The following CAPN2 variants were observed in gnomAD, a reference collection of about 807,000 sequenced individuals.
CAPN2 encodes calpain 2, also known as calpain-2 catalytic subunit.
CAPN2 carries 92 observed loss-of-function variants against 102.3 expected under a neutral mutation model. The ratio of observed to expected loss-of-function variants is 0.90; its 90% CI spans 0.76 to 1.07. The LOEUF is 1.07. Among genes scored for constraint, CAPN2 ranks in the 50% least tolerant of loss-of-function variants. CAPN2 has a pLI of 0.00. For missense variants in CAPN2, 800 were observed against 909.4 expected, an observed-to-expected ratio of 0.88 and a Z score of 1.55; for synonymous variants, 340 against 355.4, an observed-to-expected ratio of 0.96 and a Z score of 0.49.
rs1334785980 is a variant in CAPN2, at chr1:223,756,268, C to T, written c.1305+619C>T. Reference sequence around the variant, plus strand: ...TGGGGCACTGAGAACTCACCCAACACGCTGGGCCCCTGGGCTCTCCCCACT... The same window carrying T: ...TGGGGCACTGAGAACTCACCCAACATGCTGGGCCCCTGGGCTCTCCCCACT... On this transcript the variant is annotated intron_variant, in intron 10 of 20. Transcript: ENST00000295006. The surrounding 1 kb of genome is among the most constrained non-coding windows in gnomAD (Gnocchi z 4.1). Among the ~76,000 whole-genome samples, 4 of 152,214 alleles carry T rather than the reference C, an allele frequency of 2.6e-5. No homozygotes were observed. Among genetic ancestry groups the T allele is most frequent in the Non-Finnish European group, 4.4e-5 (3 of 68,046 alleles).
intron 9 of CAPN2, among the ~76,000 whole-genome samples, chr1:223,753,635 A>AT (rs28370085): frequency 0.062 from 9,445 of 152,286 alleles, 681 homozygotes; most frequent in African/African-American, 0.16. Context: ...TAATCTGAAA[A>AT]TGTGAAATCT....
rs973017578 is a variant in CAPN2 at position 223,719,623 on chromosome 1, G to T, written c.307+1792G>T. On this transcript the variant is annotated intron_variant, in intron 2 of 20. Transcript: ENST00000295006. Reference sequence around the variant, plus strand: ...GTTTAACAACACCTTAAGTGCCAAAGTGTAAGCAACAAATACATGATTTAA... The same window carrying T: ...GTTTAACAACACCTTAAGTGCCAAATTGTAAGCAACAAATACATGATTTAA... 3.3e-5 allele frequency among the ~76,000 whole-genome samples: 5 copies of T among 152,196 alleles called. No homozygotes were observed. In the South Asian group the frequency reaches 8.3e-4, roughly 25 times the overall value.
intron 14 of CAPN2, 83 bp downstream of exon 14, chr1:223,762,334 T>G (rs1307968455): frequency 1.8e-6 from 2 of 1,113,088 alleles, no homozygotes; most frequent in Admixed American, 1.8e-5. Context: ...GACTTTAGTT[T>G]AAAGGGGAGA....
intron 2 of CAPN2, among the ~76,000 whole-genome samples, chr1:223,737,305 A>G (rs1415394188): frequency 1.3e-5 from 2 of 152,164 alleles, no homozygotes; most frequent in East Asian, 1.9e-4. Flanking sequence ...CAGCCTGGAT[A>G]TAGGGATGGC....
rs754217593 is a variant in CAPN2, at chr1:223,759,404, C to T, written c.1452C>T (p.Leu484=). The change falls in exon 12 of 21, where the codon CTC becomes CTT. Residue 484 remains leucine (L), a synonymous_variant. Transcript: ENST00000295006. This position sits in a 1 kb window ranked among gnomAD's most constrained non-coding sequence, Gnocchi z 4.6. ...RFKLPPGEYI[L]VPSTFEPNKD... The stretch of plus-strand genomic sequence containing the variant: ...AGCTGCCGCCAGGAGAGTACATTCT[C>T]GTGCCTTCCACCTTCGAACCCAACA... 10 of 1,614,186 alleles carry T rather than the reference C, an allele frequency of 6.2e-6. No homozygotes were observed. Among genetic ancestry groups the T allele is most frequent in the Admixed American group, 5.0e-5 (3 of 60,014 alleles).
intron 2 of CAPN2, among the ~76,000 whole-genome samples, chr1:223,724,063 T>A (rs1660128782): frequency 6.6e-6 from 1 of 151,994 alleles, no homozygotes; most frequent in African/African-American, 2.4e-5. Context: ...ATCTTGTCTC[T>A]GAGATTAGAA....
At chr1:223,770,689 T>G (rs1162719866) in intron 18 of CAPN2, 164 bp downstream of exon 18, 1 of 525,948 alleles carries the variant, frequency 1.9e-6, no homozygotes, top group Non-Finnish European at 3.4e-6. Flanking sequence ...AAAGACTAAT[T>G]GGTAAAATTA....
Position 223,747,283 on chromosome 1 carries a change from G to A in CAPN2, c.729+118G>A, listed in dbSNP as rs186985115. The A allele has an allele frequency of 1.8e-3, 1,839 of 1,007,868 alleles. 4 individuals carry two copies. The highest frequency in any genetic ancestry group is 2.4e-3 in the Non-Finnish European group (1,728 of 721,740). 62.4% of individuals were successfully genotyped at this position (1,007,868 alleles called of 1,614,324 possible). A position where few individuals can be genotyped will look rare whatever the true frequency, so the allele number is the denominator to read the frequency against. On this transcript the variant is annotated intron_variant, in intron 5 of 20. Transcript: ENST00000295006. ...ACAACGTAATGCAGCCCTCGTCCAC[G>A]TAGGGGCCAAAGGAAAACCTCCCTC... is the stretch of plus-strand genomic sequence containing the variant.
intron 14 of CAPN2, among the ~76,000 whole-genome samples, chr1:223,762,817 A>AGT (rs1571816403): frequency 6.6e-6 from 1 of 152,264 alleles, no homozygotes; most frequent in East Asian, 1.9e-4. Context: ...AGTAGCTGGG[A>AGT]CTATAGGTGC....
At chr1:223,761,446 T>C in intron 12 of CAPN2, 135 bp from the exon 13 acceptor site, 1 of 568,522 alleles carries the variant, frequency 1.8e-6, no homozygotes, top group Non-Finnish European at 3.0e-6. Flanking sequence ...TACAAAGACC[T>C]CCCCCCACCG....
intron 10 of CAPN2, among the ~76,000 whole-genome samples, chr1:223,757,074 C>G (rs1661053868): frequency 6.6e-6 from 1 of 152,244 alleles, no homozygotes; most frequent in African/African-American, 2.4e-5. Flanking sequence ...GCCTGGCCCT[C>G]TTTCCCTGCG....
Position 223,712,632 on chromosome 1 carries a change from G to A in CAPN2, c.-9G>A, listed in dbSNP as rs1377726716. On this transcript the variant is annotated 5_prime_UTR_variant, in exon 1 of 21. Transcript: ENST00000295006. Reference sequence around the variant, plus strand: ...TTTCTCTGCGCAGTACGGCCGCCGGGACCGCAGCATGGCGGGCATCGCGGC... The same window carrying A: ...TTTCTCTGCGCAGTACGGCCGCCGGAACCGCAGCATGGCGGGCATCGCGGC... 6.6e-7 allele frequency: 1 copy of A among 1,517,522 alleles called. No individual in the cohort carries two copies. Among genetic ancestry groups the A allele is most frequent in the Admixed American group, 2.1e-5 (1 of 46,860 alleles). 94.0% of individuals were successfully genotyped at this position (1,517,522 alleles called of 1,614,324 possible).
At chr1:223,742,130 G>A (rs559103348) in intron 2 of CAPN2, among the ~76,000 whole-genome samples, 4 of 152,208 alleles carry the variant, frequency 2.6e-5, no homozygotes, top group African/African-American at 7.2e-5. Context: ...GCTGGCTCAC[G>A]CCTGTAATAC....
chr1:223,752,123 A>G (rs1176396801), intron 8 of CAPN2, 52 bp downstream of exon 8: 1 of 1,239,088 alleles, frequency 8.1e-7, no homozygotes, highest in Non-Finnish European at 1.2e-6. Context: ...AATGTTCTTT[A>G]CTAGAAAACT....
At chr1:223,751,964 C>T (rs1278400792) in intron 7 of CAPN2, 33 bp from the exon 8 acceptor site, 1 of 1,449,608 alleles carries the variant, frequency 6.9e-7, no homozygotes, top group Non-Finnish European at 9.6e-7. Context: ...AATCATCGTA[C>T]ACTAACGCCT....
intron 2 of CAPN2, among the ~76,000 whole-genome samples, chr1:223,740,180 C>T (rs982015985): frequency 2.0e-5 from 3 of 152,092 alleles, no homozygotes; most frequent in Non-Finnish European, 4.4e-5. Flanking sequence ...GGACATGGGC[C>T]GTCGAGGTGG....
chr1:223,772,080 A>G, intron 19 of CAPN2, 101 bp from the exon 20 acceptor site: 2 of 1,190,900 alleles, frequency 1.7e-6, no homozygotes, highest in Non-Finnish European at 2.5e-6. Context: ...GGAAGAAAGC[A>G]TGTATGGTGG....
upstream of CAPN2, among the ~76,000 whole-genome samples, chr1:223,709,181 A>C (rs1659677194): frequency 6.6e-6 from 1 of 152,110 alleles, no homozygotes; most frequent in African/African-American, 2.4e-5. Flanking sequence ...CTTGGGGGCA[A>C]GCAGCATTCA....
In CAPN2 at chr1:223,721,758, C is replaced by T. The variant is rs1002968032; in HGVS notation, c.307+3927C>T. ...GATGGGGAATTTTCCAGTCCTGTTC[C>T]TTCTACCACTCATTAGCCACTTATT... On this transcript the variant is annotated intron_variant, in intron 2 of 20. Coordinates refer to ENST00000295006, the MANE Select transcript of CAPN2 (RefSeq NM_001748.5). Among the ~76,000 whole-genome samples, 10 of 152,224 alleles carry T rather than the reference C, an allele frequency of 6.6e-5. No individual in the cohort carries two copies. In the South Asian group the frequency reaches 1.9e-3, roughly 28 times the overall value.
Sources: allele counts gnomAD v4.1 joint callset (sites outside exome capture counted in the v4.1 genomes callset), GRCh38; gene constraint gnomAD v4.1.1; non-coding constraint Gnocchi (gnomAD v3.1); transcripts MANE v1.5; gene names NCBI Gene and HGNC (gene_info 2026-07-23, HGNC 2026-07-21).